Variants in SRGAP1 observed in about 807,000 individuals in gnomAD.
SRGAP1 encodes the protein SLIT-ROBO Rho GTPase-activating protein 1.
In SRGAP1, 43 loss-of-function variants were observed where a neutral mutation model predicts 121.9. The ratio of observed to expected loss-of-function variants is 0.35; its 90% CI spans 0.28 to 0.46. The LOEUF (loss-of-function observed/expected upper bound fraction) is 0.46. Ranked by LOEUF, SRGAP1 falls within the 20% of genes least tolerant of loss-of-function variation. The pLI is 1.00. For missense variants in SRGAP1, 1,102 were observed against 1,350.9 expected, an observed-to-expected ratio of 0.82 and a Z score of 2.89; for synonymous variants, 447 against 485.4, an observed-to-expected ratio of 0.92 and a Z score of 1.04.
intron 6 of SRGAP1, among the ~76,000 whole-genome samples, chr12:64,060,302 G>T (rs930929511): frequency 1.3e-5 from 2 of 150,820 alleles, no homozygotes; most frequent in Admixed American, 6.6e-5. Flanking sequence ...CTACCTCCCG[G>T]GATCAAGTGA....
chr12:63,941,499 G>C (rs1011809965), intron 1 of SRGAP1, among the ~76,000 whole-genome samples: 1 of 152,100 alleles, frequency 6.6e-6, no homozygotes, highest in Non-Finnish European at 1.5e-5. Flanking sequence ...ATACATAAGA[G>C]GTGAAGCTCA....
intron 4 of SRGAP1, among the ~76,000 whole-genome samples, chr12:64,019,950 A>G (rs2034502800): frequency 6.6e-6 from 1 of 152,212 alleles, no homozygotes; most frequent in Non-Finnish European, 1.5e-5. Flanking sequence ...TTCACTCCTC[A>G]CTTGCTCTCA....
chr12:63,848,607 C>T (rs560202420), intron 1 of SRGAP1, among the ~76,000 whole-genome samples: 195 of 151,722 alleles, frequency 1.3e-3, no homozygotes, highest in African/African-American at 4.5e-3. Context: ...TGCAGTGACA[C>T]GATCTCTGCT....
intron 1 of SRGAP1, among the ~76,000 whole-genome samples, chr12:63,926,627 A>T (rs1040732972): frequency 3.3e-5 from 5 of 152,180 alleles, no homozygotes; most frequent in Admixed American, 2.0e-4. Context: ...TGATATATGT[A>T]TACAATGTGG....
chr12:63,900,215 T>C (rs202084614), intron 1 of SRGAP1, among the ~76,000 whole-genome samples: 11,617 of 142,584 alleles, frequency 0.081, 537 homozygotes, highest in East Asian at 0.13. Context: ...TTTTTTTTTT[T>C]TTTTTTTTGA....
intron 1 of SRGAP1, among the ~76,000 whole-genome samples, chr12:63,907,005 T>G (rs1397636392): frequency 6.6e-6 from 1 of 152,134 alleles, no homozygotes; most frequent in Non-Finnish European, 1.5e-5. Flanking sequence ...ACACAAATTG[T>G]GCCTCGTTTT....
intron 4 of SRGAP1, among the ~76,000 whole-genome samples, chr12:64,032,849 A>G (rs974932042): frequency 6.6e-6 from 1 of 152,156 alleles, no homozygotes; most frequent in Non-Finnish European, 1.5e-5. Flanking sequence ...ACATATTTTC[A>G]TATAATATTA....
rs571836294 is a variant in SRGAP1, at chr12:63,915,559, G to T, written c.68-68388G>T. ...AAAGAGGAGACAAAAGAGAATAAAA[G>T]CAGTGATCCACATTTTGAAGATTTT... On this transcript the variant is annotated intron_variant, in intron 1 of 21. Coordinates refer to ENST00000355086, the MANE Select transcript of SRGAP1 (RefSeq NM_020762.4). 1.6e-4 allele frequency among the ~76,000 whole-genome samples: 25 copies of T among 152,320 alleles called. No homozygotes were observed. The Middle Eastern group carries it at 0.014, about 83-fold the overall frequency.
intron 6 of SRGAP1, 39 bp downstream of exon 6, chr12:64,043,614 GA>G: frequency 6.7e-7 from 1 of 1,486,050 alleles, no homozygotes; most frequent in Non-Finnish European, 9.2e-7. Context: ...ATATTAAAAT[GA>G]AATTAACAAT....
intron 1 of SRGAP1, among the ~76,000 whole-genome samples, chr12:63,849,371 A>T (rs990913330): frequency 6.6e-6 from 1 of 152,210 alleles, no homozygotes. Flanking sequence ...ACTCATAAAG[A>T]CATGTTTTAT....
At chr12:64,062,774 C>T (rs1238014515) in intron 6 of SRGAP1, 143 bp from the exon 7 acceptor site, 3 of 597,224 alleles carry the variant, frequency 5.0e-6, no homozygotes, top group Middle Eastern at 4.5e-4. Context: ...GATGTCATAT[C>T]CAAGAAACCA....
chr12:64,023,379 G>GT (rs1452592943), intron 4 of SRGAP1, among the ~76,000 whole-genome samples: 14 of 152,136 alleles, frequency 9.2e-5, no homozygotes, highest in African/African-American at 3.4e-4. Context: ...CATCGGCCCA[G>GT]TAAAGAGGTC....
In SRGAP1 at chr12:64,098,898, CT is replaced by C. The variant is rs556420624; in HGVS notation, c.1813+1524del. 5.3e-5 allele frequency among the ~76,000 whole-genome samples: 8 copies of C among 152,338 alleles called. No homozygotes were observed. The South Asian group carries it at 1.7e-3, about 32-fold the overall frequency. The stretch of plus-strand genomic sequence containing the variant: ...GCTGTCCATGATAACCATTCAACAT[CT>C]GCTGTGAAGGCTTTGCCAAATTGGC... On this transcript the variant is annotated intron_variant, in intron 15 of 21. Coordinates refer to ENST00000355086, the MANE Select transcript of SRGAP1 (RefSeq NM_020762.4).
intron 21 of SRGAP1, 25 bp downstream of exon 21, chr12:64,128,225 G>T (rs776600148): frequency 6.3e-7 from 1 of 1,575,172 alleles, no homozygotes; most frequent in South Asian, 1.1e-5. Context: ...ATTACATATT[G>T]CATTTTAAGT....
chr12:63,998,541 C>T (rs1026973360), intron 3 of SRGAP1, among the ~76,000 whole-genome samples: 1 of 152,142 alleles, frequency 6.6e-6, no homozygotes, highest in Non-Finnish European at 1.5e-5. Context: ...CTCTAAGCAC[C>T]CATAGGCACC....
intron 11 of SRGAP1, among the ~76,000 whole-genome samples, chr12:64,090,873 T>C (rs1016010715): frequency 4.6e-5 from 7 of 152,152 alleles, no homozygotes; most frequent in African/African-American, 7.2e-5. Flanking sequence ...AAAAATGTTA[T>C]ATTTAATTCC....
chr12:64,140,814 C>T (rs563599748), intron 21 of SRGAP1, among the ~76,000 whole-genome samples: 11 of 133,806 alleles, frequency 8.2e-5, no homozygotes, highest in African/African-American at 3.2e-4. Flanking sequence ...TATAAAGACA[C>T]ATGCACACGT....
At chr12:63,849,318 G>T (rs879240146) in intron 1 of SRGAP1, among the ~76,000 whole-genome samples, 1 of 152,174 alleles carries the variant, frequency 6.6e-6, no homozygotes, top group Non-Finnish European at 1.5e-5. Context: ...CTTGTATTCT[G>T]CAGCAAAAAT....
intron 1 of SRGAP1, among the ~76,000 whole-genome samples, chr12:63,949,454 A>C (rs1213100129): frequency 7.0e-6 from 1 of 143,656 alleles, no homozygotes; most frequent in Non-Finnish European, 1.5e-5. Flanking sequence ...TTGAGACGGA[A>C]CCTCGCTCTG....
Sources: allele counts gnomAD v4.1 joint callset (sites outside exome capture counted in the v4.1 genomes callset), GRCh38; gene constraint gnomAD v4.1.1; transcripts MANE v1.5; gene names NCBI Gene and HGNC (gene_info 2026-07-23, HGNC 2026-07-21).